The following STK32B variants were observed in gnomAD, a reference collection of about 807,000 sequenced individuals.
STK32B encodes serine/threonine kinase 32B.
STK32B carries 43 observed loss-of-function variants against 52.6 expected under a neutral mutation model. The ratio of observed to expected loss-of-function variants is 0.82; its 90% CI spans 0.64 to 1.05. The LOEUF is 1.05. STK32B is among the 50% of genes least tolerant of loss of function. The pLI is 0.00. For missense variants in STK32B, 621 were observed against 534.6 expected, an observed-to-expected ratio of 1.16 and a Z score of -1.59; for synonymous variants, 238 against 204.3, an observed-to-expected ratio of 1.17 and a Z score of -1.41.
intron 7 of STK32B, 184 bp downstream of exon 7, chr4:5,446,960 C>T: frequency 1.7e-6 from 1 of 575,756 alleles, no homozygotes; most frequent in Non-Finnish European, 3.1e-6. Context: ...CTGGTCCAAC[C>T]CACTCATTGT....
At chr4:5,444,168 G>T (rs1175594024) in intron 6 of STK32B, among the ~76,000 whole-genome samples, 1 of 152,114 alleles carries the variant, frequency 6.6e-6, no homozygotes, top group African/African-American at 2.4e-5. Flanking sequence ...ACCTAATCAA[G>T]CCTGGGCAAT....
At chr4:5,257,083 GTGAA>G (rs60438621) in intron 3 of STK32B, among the ~76,000 whole-genome samples, 18,679 of 152,086 alleles carry the variant, frequency 0.12, 3,158 homozygotes, top group African/African-American at 0.38. Context: ...GAATAAGTGA[GTGAA>G]TGAATGAATG....
intron 4 of STK32B, among the ~76,000 whole-genome samples, chr4:5,350,361 A>G (rs1733747667): frequency 6.6e-6 from 1 of 152,204 alleles, no homozygotes. Flanking sequence ...CAGACAAGCA[A>G]AAGCTGAGAT....
intron 1 of STK32B, among the ~76,000 whole-genome samples, chr4:5,093,318 C>G (rs1713198655): frequency 1.3e-5 from 2 of 152,058 alleles, no homozygotes. Flanking sequence ...GAAACGTAAA[C>G]AAATATGAAG....
chr4:5,486,929 C>T (rs1265844547), intron 11 of STK32B, among the ~76,000 whole-genome samples: 1 of 152,212 alleles, frequency 6.6e-6, no homozygotes, highest in Non-Finnish European at 1.5e-5. Flanking sequence ...GAGCAGTTAG[C>T]AAGTTCTGAT....
rs541708015 is a variant in STK32B, at chr4:5,456,889, C to G, written c.749C>G (p.Thr250Arg). 3.1e-6 allele frequency: 5 copies of G among 1,590,274 alleles called. No homozygotes were observed. The highest frequency in any genetic ancestry group is 1.3e-5 in the African/African-American group (1 of 74,518). Reference protein sequence around the residue: ...FKVERVHYSSTWCKGMVALLR... With the variant: ...FKVERVHYSSRWCKGMVALLR... ...GTGGAGCGTGTCCACTACTCCTCCA[C>G]GTGGTGCAAGGGGATGGTGGCCCTG... The change falls in exon 8 of 12, where the codon ACG becomes AGG. Residue 250 changes from threonine (T) to arginine (R), a missense_variant. Transcript: ENST00000282908.
intron 1 of STK32B, among the ~76,000 whole-genome samples, chr4:5,114,901 C>A (rs1330928776): frequency 6.6e-6 from 1 of 152,054 alleles, no homozygotes; most frequent in Non-Finnish European, 1.5e-5. Flanking sequence ...GCACCCTGCA[C>A]CCCAAGCCTC....
At chr4:5,446,575 A>C (rs1341037815) in intron 6 of STK32B, 98 bp from the exon 7 acceptor site, 2 of 1,124,992 alleles carry the variant, frequency 1.8e-6, no homozygotes, top group African/African-American at 1.6e-5. Context: ...ACAAAAAAAA[A>C]AAAAACAAGC....
At chr4:5,336,581 A>G (rs1353767791) in intron 4 of STK32B, among the ~76,000 whole-genome samples, 1 of 152,230 alleles carries the variant, frequency 6.6e-6, no homozygotes, top group Non-Finnish European at 1.5e-5. Context: ...CATGGAATAA[A>G]CATCAGTGCT....
chr4:5,220,104 AT>A (rs1302276638), intron 3 of STK32B, among the ~76,000 whole-genome samples: 2 of 152,146 alleles, frequency 1.3e-5, no homozygotes, highest in African/African-American at 4.8e-5. Context: ...AGTCTAAAGG[AT>A]TTGAGGGATC....
chr4:5,094,525 G>T (rs944312257), intron 1 of STK32B, among the ~76,000 whole-genome samples: 1 of 152,082 alleles, frequency 6.6e-6, no homozygotes, highest in Non-Finnish European at 1.5e-5. Context: ...ATGGTGGTGT[G>T]CACCTGCAGA....
intron 5 of STK32B, among the ~76,000 whole-genome samples, chr4:5,406,064 A>G (rs1255613663): frequency 6.6e-6 from 1 of 152,212 alleles, no homozygotes; most frequent in Non-Finnish European, 1.5e-5. Context: ...CCAAGGTACA[A>G]TGGGCATTAC....
At chr4:5,055,280 T>C (rs1479543410) in intron 1 of STK32B, among the ~76,000 whole-genome samples, 1 of 151,398 alleles carries the variant, frequency 6.6e-6, no homozygotes, top group East Asian at 1.9e-4. Context: ...TTTTTTTTTT[T>C]TAGAGTCAAG....
At chr4:5,495,415 T>G (rs2108733031) in intron 11 of STK32B, among the ~76,000 whole-genome samples, 1 of 152,360 alleles carries the variant, frequency 6.6e-6, no homozygotes, top group South Asian at 2.1e-4. Flanking sequence ...GAGCCTTGGC[T>G]TTCAGCTCCA....
At chr4:5,208,500 A>G (rs1177831647) in intron 3 of STK32B, among the ~76,000 whole-genome samples, 2 of 152,192 alleles carry the variant, frequency 1.3e-5, no homozygotes, top group East Asian at 3.8e-4. Context: ...TAGTCATGAG[A>G]AGTTTTCTAA....
the STK32B span, among the ~76,000 whole-genome samples, chr4:5,032,260 G>C: frequency 6.6e-6 from 1 of 151,406 alleles, no homozygotes; most frequent in African/African-American, 2.4e-5. Context: ...GATCACTTGA[G>C]GTCAGGAGTT....
intron 4 of STK32B, among the ~76,000 whole-genome samples, chr4:5,393,642 C>T (rs1205279942): frequency 6.6e-6 from 1 of 152,092 alleles, no homozygotes. Context: ...TTTAAACAAC[C>T]ACAACTCACT....
chr4:5,256,445 G>C (rs559919991), intron 3 of STK32B, among the ~76,000 whole-genome samples: 45 of 152,318 alleles, frequency 3.0e-4, no homozygotes, highest in African/African-American at 1.0e-3. Flanking sequence ...AACACACCCA[G>C]AGCAAGCAGT....
intron 4 of STK32B, among the ~76,000 whole-genome samples, chr4:5,345,776 G>T (rs970937576): frequency 8.5e-5 from 13 of 152,360 alleles, no homozygotes; most frequent in Admixed American, 3.3e-4. Context: ...CGTATCCATA[G>T]AATTGATCTG....
Sources: allele counts gnomAD v4.1 joint callset (sites outside exome capture counted in the v4.1 genomes callset), GRCh38; gene constraint gnomAD v4.1.1; transcripts MANE v1.5; gene names NCBI Gene and HGNC (gene_info 2026-07-23, HGNC 2026-07-21).